CA10: variants seen among roughly 807,000 people sequenced by gnomAD.
CA10 encodes the protein carbonic anhydrase-related protein 10.
A neutral mutation model predicts 44.2 loss-of-function variants in CA10; 14 were observed. The observed-to-expected ratio is 0.32, with a 90% CI of 0.21 to 0.50. CA10 has a LOEUF of 0.50. Ranked by LOEUF, CA10 falls within the 20% of genes least tolerant of loss-of-function variation. The pLI, the probability that CA10 is intolerant of heterozygous loss-of-function variation, is 0.99. For synonymous variants in CA10, 159 were observed against 141.6 expected (o/e 1.12, Z -0.87); for missense variants, 350 against 409.7 (o/e 0.85, Z 1.26).
Position 51,787,737 on chromosome 17 carries a change from A to C in CA10, c.280-39919T>G, listed in dbSNP as rs891769136. Among the ~76,000 whole-genome samples, 8 of 152,068 alleles carry C rather than the reference A, an allele frequency of 5.3e-5. 1 individual carries two copies. The highest frequency in any genetic ancestry group is 5.2e-4 in the Admixed American group (8 of 15,264). ...GGTCTCGAACTCCTGACCTCAAGTG[A>C]TCCACCTCTGCCTTCCAAAGTGCTA... is the stretch of plus-strand genomic sequence containing the variant. On this transcript the variant is annotated intron_variant, in intron 3 of 8. Coordinates refer to ENST00000451037, the MANE Select transcript of CA10 (RefSeq NM_020178.5).
At chr17:52,021,926 C>CA (rs1274905364) in intron 2 of CA10, among the ~76,000 whole-genome samples, 3 of 151,956 alleles carry the variant, frequency 2.0e-5, no homozygotes, top group Admixed American at 2.0e-4. Flanking sequence ...GACTACCAAC[C>CA]AAAAAAGGCC....
At chr17:52,125,790 C>A (rs1297522284) in intron 1 of CA10, among the ~76,000 whole-genome samples, 1 of 151,828 alleles carries the variant, frequency 6.6e-6, no homozygotes, top group Non-Finnish European at 1.5e-5. Flanking sequence ...AGGTTCCATT[C>A]TTCACAGAGT....
At chr17:51,631,654 C>G (rs755013029) in intron 8 of CA10, 48 bp from the exon 9 acceptor site, 1 of 1,495,718 alleles carries the variant, frequency 6.7e-7, no homozygotes. Context: ...CAACATAAAA[C>G]GAGGCATACT....
At chr17:51,868,396 T>C (rs1258230453) in intron 3 of CA10, among the ~76,000 whole-genome samples, 1 of 152,176 alleles carries the variant, frequency 6.6e-6, no homozygotes, top group Non-Finnish European at 1.5e-5. Context: ...AGAAGGTGCT[T>C]ACTGCTTTAA....
At chr17:51,750,763 C>T (rs1904864283) in intron 3 of CA10, among the ~76,000 whole-genome samples, 1 of 152,180 alleles carries the variant, frequency 6.6e-6, no homozygotes, top group South Asian at 2.1e-4. Flanking sequence ...TAAAAGGCAA[C>T]AAAAAACATT....
intron 5 of CA10, among the ~76,000 whole-genome samples, chr17:51,650,370 G>T (rs1345572400): frequency 6.6e-6 from 1 of 152,098 alleles, no homozygotes; most frequent in Non-Finnish European, 1.5e-5. Flanking sequence ...TCTGAGGGTT[G>T]GAAAAATTGC....
chr17:51,793,586 T>G (rs931332767), intron 3 of CA10, among the ~76,000 whole-genome samples: 1 of 152,110 alleles, frequency 6.6e-6, no homozygotes, highest in Non-Finnish European at 1.5e-5. Flanking sequence ...AAACAAAAAG[T>G]TTGTTTGGTT....
chr17:51,776,252 G>T (rs1424950698), intron 3 of CA10, among the ~76,000 whole-genome samples: 1 of 152,122 alleles, frequency 6.6e-6, no homozygotes, highest in Non-Finnish European at 1.5e-5. Context: ...CCTGGTGTGA[G>T]TAGCCCCAGC....
intron 4 of CA10, among the ~76,000 whole-genome samples, chr17:51,678,174 C>T (rs968559974): frequency 6.6e-6 from 1 of 152,054 alleles, no homozygotes; most frequent in African/African-American, 2.4e-5. Flanking sequence ...AAATCTAGAA[C>T]AGGTAAATCC....
intron 2 of CA10, among the ~76,000 whole-genome samples, chr17:51,986,398 A>G (rs1030510504): frequency 6.6e-6 from 1 of 152,140 alleles, no homozygotes; most frequent in Non-Finnish European, 1.5e-5. Flanking sequence ...AAACTGTAAA[A>G]ATTCCAGAAG....
At chr17:51,775,447 C>A (rs763107314) in intron 3 of CA10, among the ~76,000 whole-genome samples, 22 of 152,138 alleles carry the variant, frequency 1.4e-4, no homozygotes, top group Non-Finnish European at 1.6e-4. Flanking sequence ...TTAAGCCATG[C>A]AGGGTACAAG....
At chr17:51,895,410 C>T (rs1209974673) in intron 3 of CA10, among the ~76,000 whole-genome samples, 7 of 151,926 alleles carry the variant, frequency 4.6e-5, no homozygotes, top group Non-Finnish European at 7.4e-5. Flanking sequence ...TTTAGACATA[C>T]AAGAACATAG....
At chr17:51,933,328 G>A (rs1982738198) in intron 2 of CA10, among the ~76,000 whole-genome samples, 1 of 152,052 alleles carries the variant, frequency 6.6e-6, no homozygotes, top group African/African-American at 2.4e-5. Flanking sequence ...ATGTAGGAGG[G>A]TCAGAGATAT....
intron 3 of CA10, among the ~76,000 whole-genome samples, chr17:51,901,576 T>C (rs1352360259): frequency 6.6e-6 from 1 of 152,090 alleles, no homozygotes; most frequent in Non-Finnish European, 1.5e-5. Context: ...TTCCTGCATG[T>C]ACTTGCACTG....
intron 1 of CA10, among the ~76,000 whole-genome samples, chr17:52,130,793 G>A (rs980641922): frequency 2.0e-5 from 3 of 151,964 alleles, no homozygotes; most frequent in African/African-American, 7.3e-5. Flanking sequence ...AGACTCTTGG[G>A]CTCAAGTGAT....
intron 2 of CA10, among the ~76,000 whole-genome samples, chr17:52,020,179 C>T (rs555513750): frequency 6.6e-6 from 1 of 151,870 alleles, no homozygotes; most frequent in African/African-American, 2.4e-5. Context: ...TATTTTTTGC[C>T]TTAAATCTAC....
chr17:51,792,837 A>ACATTATCT (rs1906571933), intron 3 of CA10, among the ~76,000 whole-genome samples: 1 of 152,328 alleles, frequency 6.6e-6, no homozygotes, highest in African/African-American at 2.4e-5. Flanking sequence ...TGTCATCTTA[A>ACATTATCT]CATTATCTCA....
intron 2 of CA10, among the ~76,000 whole-genome samples, chr17:52,031,711 G>C (rs1285078742): frequency 6.6e-6 from 1 of 152,082 alleles, no homozygotes; most frequent in Non-Finnish European, 1.5e-5. Context: ...TAAGTAAAGA[G>C]TTCTTCACAC....
intron 3 of CA10, among the ~76,000 whole-genome samples, chr17:51,883,777 C>T (rs1420075925): frequency 6.6e-6 from 1 of 152,124 alleles, no homozygotes; most frequent in African/African-American, 2.4e-5. Context: ...TTAGCCATGG[C>T]TTTAAATATC....
Sources: allele counts gnomAD v4.1 joint callset (sites outside exome capture counted in the v4.1 genomes callset), GRCh38; gene constraint gnomAD v4.1.1; transcripts MANE v1.5; gene names NCBI Gene and HGNC (gene_info 2026-07-23, HGNC 2026-07-21).